The following RNF144A variants were observed in gnomAD, a reference collection of about 807,000 sequenced individuals.
RNF144A encodes ring finger protein 144A, also known as E3 ubiquitin-protein ligase RNF144A.
RNF144A carries 11 observed loss-of-function variants against 38.7 expected under a neutral mutation model. The ratio of observed to expected loss-of-function variants is 0.28; its 90% CI spans 0.18 to 0.47. RNF144A has a LOEUF of 0.47. RNF144A is among the 20% of genes least tolerant of loss of function. RNF144A has a pLI of 0.99. For synonymous variants in RNF144A, 149 were observed against 143.9 expected (o/e 1.04, Z -0.25); for missense variants, 316 against 377.2 (o/e 0.84, Z 1.34).
intron 2 of RNF144A, among the ~76,000 whole-genome samples, chr2:6,994,830 G>A (rs1006236689): frequency 1.3e-5 from 2 of 152,164 alleles, no homozygotes; most frequent in Admixed American, 1.3e-4. Context: ...GCCCACTCCC[G>A]CCCCAGACGC....
chr2:7,030,589 C>G (rs1672234561), intron 8 of RNF144A, among the ~76,000 whole-genome samples: 1 of 151,926 alleles, frequency 6.6e-6, no homozygotes, highest in Non-Finnish European at 1.5e-5. Context: ...TCTTGAGGCC[C>G]TGAGATAAGC....
intron 2 of RNF144A, among the ~76,000 whole-genome samples, chr2:6,981,397 T>C (rs1482362116): frequency 6.6e-6 from 1 of 152,214 alleles, no homozygotes; most frequent in Non-Finnish European, 1.5e-5. Context: ...TGTAACTGTG[T>C]GCTTTCAGGA....
chr2:7,021,097 G>T (rs1671499368), intron 6 of RNF144A, among the ~76,000 whole-genome samples: 1 of 152,190 alleles, frequency 6.6e-6, no homozygotes, highest in Non-Finnish European at 1.5e-5. Context: ...AATACTGTCT[G>T]GAGGGGGATG....
chr2:7,014,503 C>T lies in RNF144A; in HGVS notation c.185C>T (p.Ala62Val), dbSNP rs749859532. The T allele has an allele frequency of 1.2e-6, 2 of 1,610,948 alleles. No homozygotes were observed. ...ELLIKEGLET[A>V]ISCPDAACPK... ...TTGATCAAAGAAGGATTAGAAACCG[C>T]AATTAGCTGCCCAGATGCTGCCTGC... is the stretch of plus-strand genomic sequence containing the variant. The change falls in exon 4 of 9, where the codon GCA (alanine) becomes GTA (valine). Residue 62 changes from alanine to valine, a missense_variant. Coordinates refer to ENST00000320892, the MANE Select transcript of RNF144A (RefSeq NM_014746.6).
intron 1 of RNF144A, among the ~76,000 whole-genome samples, chr2:6,928,583 C>G (rs932075102): frequency 6.6e-6 from 1 of 152,264 alleles, no homozygotes; most frequent in African/African-American, 2.4e-5. Flanking sequence ...AGCCCACGTA[C>G]TGCTGTCCTC....
intron 2 of RNF144A, among the ~76,000 whole-genome samples, chr2:6,984,306 C>CTT (rs765567289): frequency 1.7e-3 from 253 of 146,496 alleles, no homozygotes; most frequent in Non-Finnish European, 3.1e-3. Context: ...TTTTTCTTTT[C>CTT]TTTTTTTTTT....
chr2:7,031,525 G>A (rs1672301185), intron 8 of RNF144A, among the ~76,000 whole-genome samples: 1 of 152,236 alleles, frequency 6.6e-6, no homozygotes, highest in Admixed American at 6.5e-5. Context: ...GTGGGAAGCT[G>A]CTGAGGGATT....
chr2:7,026,758 A>G (rs1412966481), intron 7 of RNF144A, among the ~76,000 whole-genome samples: 1 of 152,108 alleles, frequency 6.6e-6, no homozygotes, highest in Non-Finnish European at 1.5e-5. Context: ...TCCTTCCAGC[A>G]CAGAAGTGTG....
At chr2:6,937,481 C>G (rs1467186057) in intron 1 of RNF144A, among the ~76,000 whole-genome samples, 1 of 152,194 alleles carries the variant, frequency 6.6e-6, no homozygotes, top group Admixed American at 6.5e-5. Flanking sequence ...TGCCAGTGCA[C>G]CAGCTGAGCA....
chr2:7,064,372 G>A (rs985707478), intron 6 of RNF144A, among the ~76,000 whole-genome samples: 1 of 152,110 alleles, frequency 6.6e-6, no homozygotes, highest in African/African-American at 2.4e-5. Flanking sequence ...AAAAAAATAA[G>A]GTGAAAGAGA....
At chr2:6,919,450 A>G (rs1404535789) in intron 1 of RNF144A, among the ~76,000 whole-genome samples, 1 of 152,214 alleles carries the variant, frequency 6.6e-6, no homozygotes, top group Non-Finnish European at 1.5e-5. Context: ...TAGAGGGGTC[A>G]GAAGAGGATA....
At position 6,941,598 on chromosome 2, in the gene RNF144A, A is replaced by C. The variant is rs1297845120; in HGVS notation, c.-12+451A>C. Among the ~76,000 whole-genome samples, 1 of 152,244 alleles carries C rather than the reference A, an allele frequency of 6.6e-6. No individual in the cohort carries two copies. The highest frequency in any genetic ancestry group is 2.1e-4 in the South Asian group (1 of 4,838). ...GGTAGGGACAGTCAGGAAGAGACAGACAATTCTCATTTGACAGTAGCCGGA... is the reference window on the plus strand; with the variant it reads ...GGTAGGGACAGTCAGGAAGAGACAGCCAATTCTCATTTGACAGTAGCCGGA... On this transcript the variant is annotated intron_variant, in intron 2 of 8. Transcript: ENST00000320892. The surrounding 1 kb of genome is among the most constrained non-coding windows in gnomAD (Gnocchi z 6.5).
At chr2:6,942,713 G>A (rs1024600529) in intron 2 of RNF144A, among the ~76,000 whole-genome samples, 2 of 152,234 alleles carry the variant, frequency 1.3e-5, no homozygotes, top group Non-Finnish European at 2.9e-5. Flanking sequence ...GCCGGGTGCG[G>A]TGGCTCACGC....
intron 8 of RNF144A, among the ~76,000 whole-genome samples, chr2:7,033,240 T>C (rs1014154218): frequency 1.3e-5 from 2 of 152,258 alleles, no homozygotes; most frequent in Admixed American, 6.5e-5. Context: ...AGCCAGCCCA[T>C]GTGCGGCCCA....
chr2:6,946,027 A>T (rs1666323193), intron 2 of RNF144A, among the ~76,000 whole-genome samples: 1 of 152,234 alleles, frequency 6.6e-6, no homozygotes, highest in Admixed American at 6.5e-5. Context: ...GATTCAAAAC[A>T]AAAGGGTTCT....
In RNF144A at chr2:7,039,923, A is replaced by G. The variant is rs1672945065; in HGVS notation, c.*163A>G. 9.1e-6 allele frequency: 13 copies of G among 1,428,520 alleles called. No individual in the cohort carries two copies. Among genetic ancestry groups the G allele is most frequent in the South Asian group, 7.5e-5 (5 of 67,064 alleles). The allele number at this position is 1,428,520 out of a possible 1,614,324, so 88.5% of individuals were successfully genotyped here. A position where few individuals can be genotyped will look rare whatever the true frequency, so the allele number is the denominator to read the frequency against. On this transcript the variant is annotated 3_prime_UTR_variant, in exon 9 of 9. Coordinates refer to ENST00000320892, the MANE Select transcript of RNF144A (RefSeq NM_014746.6). Reference sequence around the variant, plus strand: ...CGTGATTTCAGGGACCTATGTCACAATGTTCGCTGAGGCCCCAGGTGTGGT... The same window carrying G: ...CGTGATTTCAGGGACCTATGTCACAGTGTTCGCTGAGGCCCCAGGTGTGGT...
At chr2:7,034,316 G>A (rs1448096940) in intron 8 of RNF144A, among the ~76,000 whole-genome samples, 3 of 152,028 alleles carry the variant, frequency 2.0e-5, no homozygotes, top group Non-Finnish European at 2.9e-5. Flanking sequence ...GACTTGGAGC[G>A]ATAGTGTTTG....
chr2:6,934,117 T>C (rs1665393813), intron 1 of RNF144A, among the ~76,000 whole-genome samples: 1 of 152,222 alleles, frequency 6.6e-6, no homozygotes, highest in African/African-American at 2.4e-5. Flanking sequence ...CTACCGTTGT[T>C]CTGCTAAGAA....
Position 7,040,604 on chromosome 2 carries a change from T to C in RNF144A, c.*844T>C. 1.0e-6 allele frequency: 1 copy of C among 985,472 alleles called. No homozygotes were observed. 61.0% of individuals were successfully genotyped at this position (985,472 alleles called of 1,614,324 possible). A position where few individuals can be genotyped will look rare whatever the true frequency, so the allele number is the denominator to read the frequency against. ...TCTCTCCCAGGTAGCAGAAAACGCT[T>C]TTTATTGTATTCAATCCCACTGCTT... is the stretch of plus-strand genomic sequence containing the variant. On this transcript the variant is annotated 3_prime_UTR_variant, in exon 9 of 9. Coordinates refer to ENST00000320892, the MANE Select transcript of RNF144A (RefSeq NM_014746.6).
Sources: gnomAD v4.1 joint callset for allele counts (sites outside exome capture counted in the v4.1 genomes callset) on GRCh38, gnomAD v4.1.1 for gene constraint, Gnocchi (gnomAD v3.1) non-coding constraint, MANE v1.5 for transcripts, NCBI Gene and HGNC (gene_info 2026-07-23, HGNC 2026-07-21) for gene names.